The following THSD4 variants were observed in gnomAD, a reference collection of about 807,000 sequenced individuals.
THSD4 encodes thrombospondin type 1 domain containing 4, also known as thrombospondin type-1 domain-containing protein 4.
THSD4 carries 69 observed loss-of-function variants against 119.0 expected under a neutral mutation model. That is an observed-to-expected ratio of 0.58 (90% CI 0.48 to 0.71). The LOEUF (loss-of-function observed/expected upper bound fraction) is 0.71, where lower values mean the gene tolerates loss of function less well. Ranked by LOEUF, THSD4 falls within the 30% of genes least tolerant of loss-of-function variation. The pLI is 0.00. For missense variants in THSD4, 1,393 were observed against 1,391.1 expected (o/e 1.00, Z -0.02); for synonymous variants, 524 against 540.4 (o/e 0.97, Z 0.42).
chr15:71,573,393 C>G (rs185828294), intron 7 of THSD4, among the ~76,000 whole-genome samples: 85 of 152,246 alleles, frequency 5.6e-4, no homozygotes, highest in African/African-American at 2.0e-3. Flanking sequence ...AATCCAAGGA[C>G]CGAAGAAACT....
chr15:71,237,451 T>C (rs1163673878), intron 4 of THSD4, among the ~76,000 whole-genome samples: 1 of 152,070 alleles, frequency 6.6e-6, no homozygotes, highest in Non-Finnish European at 1.5e-5. Flanking sequence ...GGCATCAGTT[T>C]TGTGGAGGAA....
intron 7 of THSD4, among the ~76,000 whole-genome samples, chr15:71,559,853 G>A (rs746041535): frequency 1.3e-5 from 2 of 152,110 alleles, no homozygotes; most frequent in African/African-American, 2.4e-5. Flanking sequence ...TTAGCATATC[G>A]TGAGAGGCTC....
At chr15:71,645,186 T>C (rs771758831) in intron 7 of THSD4, among the ~76,000 whole-genome samples, 7 of 152,150 alleles carry the variant, frequency 4.6e-5, no homozygotes, top group African/African-American at 7.2e-5. Flanking sequence ...TGGGGTGTAT[T>C]AGCCTGTTTT....
chr15:71,505,805 T>G (rs2048177647), intron 7 of THSD4, among the ~76,000 whole-genome samples: 1 of 152,190 alleles, frequency 6.6e-6, no homozygotes, highest in Admixed American at 6.5e-5. Flanking sequence ...CCCATGCGAT[T>G]AATAGTATCA....
intron 3 of THSD4, among the ~76,000 whole-genome samples, chr15:71,201,220 C>T (rs2043801222): frequency 1.3e-5 from 2 of 151,778 alleles, no homozygotes. Context: ...GAAGAAAGGG[C>T]CAGGAGGATG....
At chr15:71,370,512 T>G (rs1401079697) in intron 6 of THSD4, among the ~76,000 whole-genome samples, 1 of 152,218 alleles carries the variant, frequency 6.6e-6, no homozygotes, top group African/African-American at 2.4e-5. Flanking sequence ...AAAGAATATC[T>G]TTATTTCTGT....
At chr15:71,288,470 A>G (rs2044747743) in intron 6 of THSD4, among the ~76,000 whole-genome samples, 1 of 151,968 alleles carries the variant, frequency 6.6e-6, no homozygotes, top group African/African-American at 2.4e-5. Flanking sequence ...AGAGGTGTCT[A>G]ATGAGCTTCT....
At chr15:71,348,176 A>G (rs1446572475) in intron 6 of THSD4, 4 of 152,178 alleles carry the variant, frequency 2.6e-5, no homozygotes, top group African/African-American at 9.6e-5. Context: ...TCTCAGTTCC[A>G]GGTTGTCTTT....
chr15:71,766,523 G>A (rs945324871), intron 16 of THSD4, among the ~76,000 whole-genome samples: 7 of 152,232 alleles, frequency 4.6e-5, no homozygotes, highest in Non-Finnish European at 1.0e-4. Flanking sequence ...CTGCTCTAGT[G>A]ATAACAGCCA....
chr15:71,615,475 A>G (rs2050304642), intron 7 of THSD4, among the ~76,000 whole-genome samples: 1 of 152,100 alleles, frequency 6.6e-6, no homozygotes, highest in African/African-American at 2.4e-5. Flanking sequence ...ATAAATTTAT[A>G]TAAATATATG....
chr15:71,463,829 C>A (rs990410865), intron 7 of THSD4, among the ~76,000 whole-genome samples: 1 of 152,194 alleles, frequency 6.6e-6, no homozygotes, highest in African/African-American at 2.4e-5. Flanking sequence ...CATCTTTTAG[C>A]CTCATTTGTC....
intron 7 of THSD4, among the ~76,000 whole-genome samples, chr15:71,627,591 A>G (rs1595802449): frequency 6.6e-6 from 1 of 152,214 alleles, no homozygotes; most frequent in East Asian, 1.9e-4. Context: ...GGGTCCAGAA[A>G]TCTCATATGA....
At chr15:71,435,118 T>C (rs553963136) in intron 7 of THSD4, among the ~76,000 whole-genome samples, 21 of 152,242 alleles carry the variant, frequency 1.4e-4, no homozygotes, top group African/African-American at 4.8e-4. Context: ...CAAACAAATA[T>C]AAATTCAAAA....
At chr15:71,279,040 A>G (rs2044622250) in intron 6 of THSD4, among the ~76,000 whole-genome samples, 1 of 152,200 alleles carries the variant, frequency 6.6e-6, no homozygotes, top group African/African-American at 2.4e-5. Flanking sequence ...AGATTTCAAC[A>G]GGACAGTGGA....
Position 71,778,125 on chromosome 15 carries a change from A to C in THSD4, c.*751A>C, listed in dbSNP as rs906120873. 14 of 152,304 alleles carry C rather than the reference A, an allele frequency of 9.2e-5. No homozygotes were observed. The highest frequency in any genetic ancestry group is 3.4e-4 in the African/African-American group (14 of 41,546). The allele number at this position is 152,304 out of a possible 1,614,324, so 9.4% of individuals were successfully genotyped here. On this transcript the variant is annotated 3_prime_UTR_variant, in exon 18 of 18. Coordinates refer to ENST00000261862, the MANE Select transcript of THSD4 (RefSeq NM_024817.3). ...AGCTGAGTCCCCGCCCCAGTCATCT[A>C]CCAGTATCCAGCCTGGGGCCTGTAC...
At chr15:71,170,768 GA>G (rs1201428361) in intron 3 of THSD4, among the ~76,000 whole-genome samples, 22 of 152,052 alleles carry the variant, frequency 1.4e-4, no homozygotes, top group African/African-American at 4.3e-4. Flanking sequence ...TTTAGAATAT[GA>G]AAACAAAGAT....
At chr15:71,530,058 A>C (rs538541459) in intron 7 of THSD4, among the ~76,000 whole-genome samples, 6 of 152,270 alleles carry the variant, frequency 3.9e-5, no homozygotes, top group Non-Finnish European at 5.9e-5. Context: ...ATTTTTATTG[A>C]TTTCTTCTTG....
chr15:71,459,160 C>CTTTTTTTTTTTTTTTTTTTTTTTTTT (rs372209662), intron 7 of THSD4, among the ~76,000 whole-genome samples: 2 of 128,882 alleles, frequency 1.6e-5, no homozygotes, highest in Admixed American at 8.1e-5. Flanking sequence ...TTCTTTTTTT[C>CTTTTTTTTTTTTTTTTTTTTTTTTTT]TTTTTTTTTT....
At chr15:71,350,790 C>G (rs914282651) in intron 6 of THSD4, among the ~76,000 whole-genome samples, 1 of 152,044 alleles carries the variant, frequency 6.6e-6, no homozygotes, top group Non-Finnish European at 1.5e-5. Flanking sequence ...CAAGGATGTG[C>G]CATTACCAGA....
Sources: gnomAD v4.1 joint callset for allele counts (sites outside exome capture counted in the v4.1 genomes callset) on GRCh38, gnomAD v4.1.1 for gene constraint, MANE v1.5 for transcripts, NCBI Gene and HGNC (gene_info 2026-07-23, HGNC 2026-07-21) for gene names.